Variants in PCSK2 observed in about 807,000 individuals in gnomAD.
PCSK2 encodes the protein neuroendocrine convertase 2.
Under a neutral mutation model 69.7 loss-of-function variants are expected in PCSK2, and 14 were observed. The ratio of observed to expected loss-of-function variants is 0.20; its 90% confidence interval spans 0.13 to 0.31. PCSK2 has a LOEUF of 0.31. PCSK2 is among the 10% of genes least tolerant of loss of function. PCSK2 has a pLI of 1.00. For synonymous variants in PCSK2, 307 were observed against 320.7 expected (o/e 0.96, Z 0.46); for missense variants, 544 against 842.5 (o/e 0.65, Z 4.39).
At chr20:17,283,152 T>C (rs886945660) in intron 2 of PCSK2, among the ~76,000 whole-genome samples, 68 of 152,062 alleles carry the variant, frequency 4.5e-4, no homozygotes, top group African/African-American at 1.6e-3. Flanking sequence ...CAAAAGATGC[T>C]ATAAAAGCTA....
At chr20:17,472,408 C>T (rs1157672856) in intron 11 of PCSK2, among the ~76,000 whole-genome samples, 1 of 152,218 alleles carries the variant, frequency 6.6e-6, no homozygotes, top group Non-Finnish European at 1.5e-5. Flanking sequence ...AGTTCATGCC[C>T]ACCTGACTCT....
intron 2 of PCSK2, among the ~76,000 whole-genome samples, chr20:17,301,130 T>C (rs2123088082): frequency 6.6e-6 from 1 of 152,344 alleles, no homozygotes; most frequent in South Asian, 2.1e-4. Context: ...TTGCAGACCA[T>C]CATCTACAGG....
At chr20:17,226,295 C>G (rs1017116501), upstream of PCSK2, 1 of 152,274 alleles carries the variant, frequency 6.6e-6, no homozygotes, top group African/African-American at 2.4e-5. Context: ...GGCTTCCCAG[C>G]CGCTTCGCTC....
At chr20:17,374,140 A>C (rs2030854751) in intron 5 of PCSK2, among the ~76,000 whole-genome samples, 1 of 152,218 alleles carries the variant, frequency 6.6e-6, no homozygotes, top group African/African-American at 2.4e-5. Context: ...CTGTGGATTG[A>C]ACCTGCTATG....
rs532591217 is a variant in PCSK2 at position 17,410,650 on chromosome 20, A to G, written c.620+1311A>G. ...GTGTGTGTTTAGAGGATGAGAATGT[A>G]TAAAAAAGGTCTGAAAACTTTTGGC... On this transcript the variant is annotated intron_variant, in intron 6 of 11. Coordinates refer to ENST00000262545, the MANE Select transcript of PCSK2 (RefSeq NM_002594.5). 1.2e-3 allele frequency among the ~76,000 whole-genome samples: 180 copies of G among 152,390 alleles called. 2 individuals are homozygous for G. Among genetic ancestry groups the G allele is most frequent in the Non-Finnish European group, 2.3e-3 (156 of 68,028 alleles).
intron 2 of PCSK2, among the ~76,000 whole-genome samples, chr20:17,271,608 G>A (rs6111477): frequency 1.3e-5 from 2 of 151,836 alleles, no homozygotes; most frequent in African/African-American, 4.8e-5. Context: ...ACACAACAGA[G>A]AGTGGTGGGG....
chr20:17,466,956 G>A (rs932051599), intron 11 of PCSK2, among the ~76,000 whole-genome samples: 5 of 152,168 alleles, frequency 3.3e-5, no homozygotes, highest in Non-Finnish European at 5.9e-5. Flanking sequence ...ATGTGTAGTC[G>A]TAGCTCATTC....
chr20:17,394,736 A>C (rs978924272), intron 5 of PCSK2, among the ~76,000 whole-genome samples: 2 of 152,198 alleles, frequency 1.3e-5, no homozygotes, highest in Admixed American at 6.5e-5. Context: ...TTGTGTGATT[A>C]ATGTAGATTT....
At chr20:17,469,491 G>C (rs1754869419) in intron 11 of PCSK2, among the ~76,000 whole-genome samples, 1 of 151,958 alleles carries the variant, frequency 6.6e-6, no homozygotes, top group African/African-American at 2.4e-5. Flanking sequence ...AAGCCCAGGA[G>C]GTGTGTCCTA....
chr20:17,390,593 T>C (rs932662280), intron 5 of PCSK2, among the ~76,000 whole-genome samples: 24 of 152,158 alleles, frequency 1.6e-4, no homozygotes, highest in Non-Finnish European at 7.3e-5. Context: ...ACGAAGATGA[T>C]AGATGTCAGG....
At position 17,375,929 on chromosome 20, in the gene PCSK2, C is replaced by A. The variant is rs140294016; in HGVS notation, c.543+6652C>A. Among the ~76,000 whole-genome samples the A allele has an allele frequency of 3.1e-3, 468 of 152,320 alleles. 4 individuals carry two copies. Among genetic ancestry groups the A allele is most frequent in the African/African-American group, 0.011 (441 of 41,576 alleles). On this transcript the variant is annotated intron_variant, in intron 5 of 11. Coordinates refer to ENST00000262545, the MANE Select transcript of PCSK2 (RefSeq NM_002594.5). Reference sequence around the variant, plus strand: ...TTAAAGAGGTGAAGTGTGTTTCCTACCCCTTGACTTTGGATTGGGCCTTGT... The same window carrying A: ...TTAAAGAGGTGAAGTGTGTTTCCTAACCCTTGACTTTGGATTGGGCCTTGT...
chr20:17,314,005 T>C (rs913834468), intron 2 of PCSK2, among the ~76,000 whole-genome samples: 2 of 152,130 alleles, frequency 1.3e-5, no homozygotes, highest in Non-Finnish European at 2.9e-5. Flanking sequence ...AAAGACTAAG[T>C]GCTCCTTTCC....
At chr20:17,404,147 C>G (rs2031703987) in intron 5 of PCSK2, among the ~76,000 whole-genome samples, 1 of 152,168 alleles carries the variant, frequency 6.6e-6, no homozygotes, top group Non-Finnish European at 1.5e-5. Context: ...CCTAGTTGCT[C>G]CCTGTGGGCA....
chr20:17,240,182 G>T (rs1317071554), intron 1 of PCSK2, among the ~76,000 whole-genome samples: 2 of 151,894 alleles, frequency 1.3e-5, no homozygotes, highest in Non-Finnish European at 2.9e-5. Context: ...CTCTGCTTGT[G>T]TTGCATTTAC....
chr20:17,475,014 T>G (rs926557767), intron 11 of PCSK2, among the ~76,000 whole-genome samples: 1 of 151,936 alleles, frequency 6.6e-6, no homozygotes, highest in Non-Finnish European at 1.5e-5. Flanking sequence ...AAGCAGAGCC[T>G]GAGATTGGGT....
intron 1 of PCSK2, among the ~76,000 whole-genome samples, chr20:17,248,421 T>A (rs1012184934): frequency 2.6e-5 from 4 of 152,176 alleles, no homozygotes; most frequent in Non-Finnish European, 5.9e-5. Context: ...AAGTACCTTA[T>A]ACTACTGTAA....
chr20:17,308,970 G>A (rs1232264348), intron 2 of PCSK2, among the ~76,000 whole-genome samples: 2 of 152,122 alleles, frequency 1.3e-5, no homozygotes, highest in East Asian at 1.9e-4. Context: ...GGAAATCAAA[G>A]GCCAGCCCAG....
chr20:17,375,600 T>A (rs1193991976), intron 5 of PCSK2, among the ~76,000 whole-genome samples: 1 of 152,136 alleles, frequency 6.6e-6, no homozygotes, highest in Admixed American at 6.5e-5. Context: ...CTACCCCAAG[T>A]GAGGTTTTCT....
intron 2 of PCSK2, among the ~76,000 whole-genome samples, chr20:17,282,089 C>CCA (rs1988338363): frequency 6.6e-6 from 1 of 152,110 alleles, no homozygotes; most frequent in African/African-American, 2.4e-5. Flanking sequence ...GGTGTATGCT[C>CCA]CACTGGGGGC....
Sources: allele counts gnomAD v4.1 joint callset (sites outside exome capture counted in the v4.1 genomes callset), GRCh38; gene constraint gnomAD v4.1.1; transcripts MANE v1.5; gene names NCBI Gene and HGNC (gene_info 2026-07-23, HGNC 2026-07-21).